The following CLASP1 variants were observed in gnomAD, a reference collection of about 807,000 sequenced individuals.
The protein encoded by CLASP1 is CLIP-associating protein 1.
CLASP1 carries 38 observed loss-of-function variants against 192.3 expected under a neutral mutation model. The observed-to-expected ratio is 0.20, with a 90% CI of 0.15 to 0.26. CLASP1 has a LOEUF of 0.26. CLASP1 is among the 10% of genes least tolerant of loss of function. The pLI is 1.00. For synonymous variants in CLASP1, 691 were observed against 712.8 expected, an observed-to-expected ratio of 0.97 and a Z score of 0.49; for missense variants, 1,433 against 1,932.5, an observed-to-expected ratio of 0.74 and a Z score of 4.85.
At chr2:121,407,752 A>T (rs776889001) in intron 24 of CLASP1, 37 bp from the exon 26 acceptor site, 2 of 1,613,132 alleles carry the variant, frequency 1.2e-6, no homozygotes, top group East Asian at 4.5e-5. Context: ...TGATTGAGGA[A>T]GAAATAGAAA....
At chr2:121,376,535 GGT>G (rs2070237763) in intron 34 of CLASP1, among the ~76,000 whole-genome samples, 1 of 150,524 alleles carries the variant, frequency 6.6e-6, no homozygotes, top group Non-Finnish European at 1.5e-5. Context: ...GTGGGGGGGG[GGT>G]CGGGGAGGAA....
chr2:121,378,964 C>T (rs1173233341), intron 33 of CLASP1, among the ~76,000 whole-genome samples: 1 of 133,916 alleles, frequency 7.5e-6, no homozygotes, highest in African/African-American at 3.4e-5. Context: ...AAGTATTCTG[C>T]CTTAAAAAAA....
chr2:121,371,686 C>A (rs1007463356), intron 34 of CLASP1, among the ~76,000 whole-genome samples: 12 of 152,200 alleles, frequency 7.9e-5, no homozygotes, highest in African/African-American at 2.7e-4. Context: ...TGGGAACACG[C>A]TCTACTTCCT....
At chr2:121,562,202 T>G (rs879360520) in intron 2 of CLASP1, among the ~76,000 whole-genome samples, 1 of 152,204 alleles carries the variant, frequency 6.6e-6, no homozygotes, top group Non-Finnish European at 1.5e-5. Context: ...CCTTGACTCC[T>G]CTGAGCAAAG....
At chr2:121,527,258 T>C (rs1464886756) in intron 5 of CLASP1, among the ~76,000 whole-genome samples, 1 of 152,236 alleles carries the variant, frequency 6.6e-6, no homozygotes, top group Non-Finnish European at 1.5e-5. Context: ...AACAGGTGAC[T>C]AGTTTAACCA....
intron 30 of CLASP1, among the ~76,000 whole-genome samples, chr2:121,393,213 T>C (rs2074679072): frequency 6.6e-6 from 1 of 152,248 alleles, no homozygotes; most frequent in African/African-American, 2.4e-5. Context: ...TATGAGAATT[T>C]ACTGTATAAA....
chr2:121,397,429 T>A, intron 29 of CLASP1, 146 bp from the exon 31 acceptor site: 1 of 687,358 alleles, frequency 1.5e-6, no homozygotes, highest in Admixed American at 2.8e-5. Flanking sequence ...TGGAGCGACA[T>A]CCAACAGAGG....
intron 5 of CLASP1, 113 bp from the exon 6 acceptor site, chr2:121,526,033 T>C: frequency 1.4e-6 from 1 of 717,846 alleles, no homozygotes; most frequent in Non-Finnish European, 2.5e-6. Context: ...CACCACCTCA[T>C]ACCAAGTCTC....
intron 32 of CLASP1, among the ~76,000 whole-genome samples, chr2:121,384,969 C>T (rs943846741): frequency 3.3e-5 from 5 of 152,002 alleles, no homozygotes; most frequent in Non-Finnish European, 5.9e-5. Flanking sequence ...ACTGTCTGGT[C>T]AAGATAACTC....
chr2:121,398,240 A>G, intron 29 of CLASP1, 82 bp downstream of exon 30: 1 of 990,050 alleles, frequency 1.0e-6, no homozygotes, highest in Non-Finnish European at 1.5e-6. Context: ...ACAATAGCTA[A>G]ACATGGGTCA....
chr2:121,456,270 T>C (rs2086637816), intron 14 of CLASP1, among the ~76,000 whole-genome samples: 1 of 148,148 alleles, frequency 6.8e-6, no homozygotes, highest in Non-Finnish European at 1.5e-5. Flanking sequence ...GAGATCAAGG[T>C]GGGAAGACTG....
At chr2:121,607,887 A>G (rs2105929349) in intron 1 of CLASP1, among the ~76,000 whole-genome samples, 1 of 152,304 alleles carries the variant, frequency 6.6e-6, no homozygotes, top group South Asian at 2.1e-4. Context: ...GTATGGAATC[A>G]TATACATCAA....
intron 8 of CLASP1, among the ~76,000 whole-genome samples, chr2:121,478,643 A>ACC (rs1486283470): frequency 1.3e-5 from 1 of 77,302 alleles, no homozygotes; most frequent in African/African-American, 5.9e-5. Context: ...ACACACACAC[A>ACC]CCCCCCACAC....
chr2:121,504,474 T>C (rs1397970269), intron 7 of CLASP1, among the ~76,000 whole-genome samples: 1 of 152,218 alleles, frequency 6.6e-6, no homozygotes, highest in Non-Finnish European at 1.5e-5. Flanking sequence ...TACCAAACAC[T>C]ATGTATGCCA....
At chr2:121,426,911 T>G (rs1452130151) in intron 21 of CLASP1, among the ~76,000 whole-genome samples, 2 of 151,986 alleles carry the variant, frequency 1.3e-5, no homozygotes, top group Non-Finnish European at 2.9e-5. Context: ...GGCAATACAT[T>G]CTAAAATATA....
intron 8 of CLASP1, among the ~76,000 whole-genome samples, chr2:121,501,652 T>C (rs1575503545): frequency 1.3e-5 from 2 of 152,192 alleles, no homozygotes; most frequent in African/African-American, 4.8e-5. Context: ...TCACTTTAGG[T>C]ATTTTATATA....
At chr2:121,480,049 T>C (rs982098613) in intron 8 of CLASP1, among the ~76,000 whole-genome samples, 3 of 152,196 alleles carry the variant, frequency 2.0e-5, no homozygotes, top group Admixed American at 2.0e-4. Flanking sequence ...AAAAGCTTGC[T>C]GCCAAAAAGC....
At chr2:121,568,769 A>C (rs949490158) in intron 2 of CLASP1, among the ~76,000 whole-genome samples, 1 of 152,024 alleles carries the variant, frequency 6.6e-6, no homozygotes, top group Non-Finnish European at 1.5e-5. Context: ...AGGGTCCTAT[A>C]AAATAGAGCA....
chr2:121,408,348 C>A (rs2077207854), intron 24 of CLASP1, among the ~76,000 whole-genome samples: 1 of 152,114 alleles, frequency 6.6e-6, no homozygotes. Flanking sequence ...GAACTCCTGG[C>A]CACTTTTATT....
Sources: gnomAD v4.1 joint callset for allele counts (sites outside exome capture counted in the v4.1 genomes callset) on GRCh38, gnomAD v4.1.1 for gene constraint, MANE v1.5 for transcripts, NCBI Gene and HGNC (gene_info 2026-07-23, HGNC 2026-07-21) for gene names.